Variants in CD44 observed in about 807,000 individuals in gnomAD.
CD44 encodes CD44 molecule (IN blood group).
In CD44, 49 loss-of-function variants were observed where a neutral mutation model predicts 88.8. The observed-to-expected ratio is 0.55, with a 90% CI of 0.44 to 0.70. CD44 has a LOEUF of 0.70. Among genes scored for constraint, CD44 ranks in the 30% least tolerant of loss-of-function variants. CD44 has a pLI of 0.00. For missense variants in CD44, 883 were observed against 913.8 expected (o/e 0.97, Z 0.43); for synonymous variants, 325 against 312.3 (o/e 1.04, Z -0.43).
rs547109195 is a variant in CD44 at position 35,225,826 on chromosome 11, AAAAC to A, written c.2025-3279_2025-3276del. Among the ~76,000 whole-genome samples, 1,450 of 152,190 alleles carry A rather than the reference AAAAC, an allele frequency of 9.5e-3. 17 individuals are homozygous for A. The highest frequency in any genetic ancestry group is 0.029 in the African/African-American group (1,212 of 41,500). On this transcript the variant is annotated intron_variant, in intron 17 of 17. Transcript: ENST00000428726. ...AGTGAGACTTTGTAAAAAACAAAAC[AAAAC>A]AAACAAACAAACAAACAAACAAAAA...
At chr11:35,223,449 C>T (rs1949464160) in intron 17 of CD44, 1 of 215,658 alleles carries the variant, frequency 4.6e-6, no homozygotes, top group South Asian at 1.7e-4. Context: ...TTTAGGGAGA[C>T]CTCGGAGAAG....
At chr11:35,188,023 A>C (rs531465649) in intron 4 of CD44, among the ~76,000 whole-genome samples, 3 of 152,242 alleles carry the variant, frequency 2.0e-5, no homozygotes, top group Admixed American at 1.3e-4. Flanking sequence ...CACTTTAGAA[A>C]TCAGAAAATC....
intron 3 of CD44, among the ~76,000 whole-genome samples, chr11:35,182,648 G>C (rs1945265519): frequency 6.6e-6 from 1 of 152,164 alleles, no homozygotes; most frequent in Non-Finnish European, 1.5e-5. Context: ...GCAACATGTG[G>C]TCTAGCTAGC....
intron 17 of CD44, chr11:35,222,397 A>T: frequency 7.7e-7 from 1 of 1,299,192 alleles, no homozygotes; most frequent in South Asian, 1.2e-5. Context: ...AGGTTATAGC[A>T]TAAGAAGAGC....
intron 1 of CD44, among the ~76,000 whole-genome samples, chr11:35,144,419 G>A (rs17445923): frequency 0.043 from 6,531 of 152,312 alleles, 236 homozygotes; most frequent in Admixed American, 0.11. Flanking sequence ...GCAAGAAACC[G>A]ATGACTCAAT....
chr11:35,173,563 G>A (rs1043588826), intron 1 of CD44, among the ~76,000 whole-genome samples: 1 of 152,134 alleles, frequency 6.6e-6, no homozygotes, highest in Non-Finnish European at 1.5e-5. Context: ...CCCCCCATGT[G>A]CTAATGATGC....
intron 11 of CD44, among the ~76,000 whole-genome samples, chr11:35,207,000 G>C (rs1467507793): frequency 6.6e-6 from 1 of 152,180 alleles, no homozygotes; most frequent in Non-Finnish European, 1.5e-5. Flanking sequence ...AATACAATTG[G>C]CTTCAACTAC....
intron 15 of CD44, 68 bp from the exon 16 acceptor site, chr11:35,219,248 C>A: frequency 8.6e-7 from 1 of 1,168,742 alleles, no homozygotes; most frequent in Non-Finnish European, 1.3e-6. Context: ...GCCCTTTATG[C>A]AGCTCCACAA....
intron 1 of CD44, among the ~76,000 whole-genome samples, chr11:35,150,444 ACT>A (rs759496860): frequency 1.3e-5 from 2 of 152,050 alleles, no homozygotes; most frequent in Non-Finnish European, 2.9e-5. Flanking sequence ...AACCAGAGAA[ACT>A]CTTGCTCAGG....
chr11:35,162,317 G>C (rs1942727146), intron 1 of CD44, among the ~76,000 whole-genome samples: 1 of 152,212 alleles, frequency 6.6e-6, no homozygotes, highest in Non-Finnish European at 1.5e-5. Flanking sequence ...ATGGGCTTTT[G>C]CGAGGTATGG....
chr11:35,182,114 A>G (rs1008682806), intron 3 of CD44, among the ~76,000 whole-genome samples: 6 of 145,558 alleles, frequency 4.1e-5, no homozygotes, highest in Admixed American at 2.2e-4. Flanking sequence ...TACCATATAT[A>G]TGGTAGTAAA....
intron 13 of CD44, chr11:35,210,507 A>G (rs1301967619): frequency 6.6e-6 from 1 of 152,200 alleles, no homozygotes; most frequent in Non-Finnish European, 1.5e-5. Context: ...TTCTGCATTA[A>G]TTTCATTATT....
intron 1 of CD44, among the ~76,000 whole-genome samples, chr11:35,158,079 C>T (rs1348770050): frequency 1.3e-5 from 2 of 152,194 alleles, no homozygotes; most frequent in Non-Finnish European, 2.9e-5. Flanking sequence ...AGTCAACAGC[C>T]ACTTTTGTAT....
chr11:35,157,325 A>ATCTC (rs1942013898), intron 1 of CD44, among the ~76,000 whole-genome samples: 1 of 106,780 alleles, frequency 9.4e-6, no homozygotes, highest in Non-Finnish European at 2.0e-5. Context: ...CTGTCTGTCT[A>ATCTC]TCTATCTATC....
chr11:35,148,085 C>T (rs529811279), intron 1 of CD44, among the ~76,000 whole-genome samples: 6 of 150,832 alleles, frequency 4.0e-5, no homozygotes, highest in Admixed American at 6.6e-5. Context: ...GAGCGAAACT[C>T]GGTCTCAAAA....
At chr11:35,139,443 C>A in intron 1 of CD44, 73 bp downstream of exon 1, 3 of 1,327,432 alleles carry the variant, frequency 2.3e-6, no homozygotes, top group South Asian at 1.3e-5. Context: ...GCAGCCCCTC[C>A]GGCTGAGTCG....
At chr11:35,203,708 T>TAA (rs532371332) in intron 9 of CD44, among the ~76,000 whole-genome samples, 18 of 142,952 alleles carry the variant, frequency 1.3e-4, no homozygotes, top group Middle Eastern at 3.6e-3. Context: ...CTTGATAAAC[T>TAA]AAAAAAAAAA....
At chr11:35,153,275 G>A (rs903564698) in intron 1 of CD44, among the ~76,000 whole-genome samples, 2 of 152,206 alleles carry the variant, frequency 1.3e-5, no homozygotes, top group Non-Finnish European at 2.9e-5. Flanking sequence ...TACAAAATGA[G>A]AAGAAGATAA....
At chr11:35,200,548 T>C (rs966466925) in intron 7 of CD44, 2 of 153,994 alleles carry the variant, frequency 1.3e-5, no homozygotes, top group Non-Finnish European at 2.9e-5. Flanking sequence ...GGTATTCTTT[T>C]TCAGAATCAT....
Sources: allele counts gnomAD v4.1 joint callset (sites outside exome capture counted in the v4.1 genomes callset), GRCh38; gene constraint gnomAD v4.1.1; transcripts MANE v1.5; gene names NCBI Gene and HGNC (gene_info 2026-07-23, HGNC 2026-07-21).